SRGAP1: variants seen among roughly 807,000 people sequenced by gnomAD.
The protein encoded by SRGAP1 is SLIT-ROBO Rho GTPase-activating protein 1.
A neutral mutation model predicts 121.9 loss-of-function variants in SRGAP1; 43 were observed. The ratio of observed to expected loss-of-function variants is 0.35; its 90% CI spans 0.28 to 0.46. The LOEUF is 0.46. Among genes scored for constraint, SRGAP1 ranks in the 20% least tolerant of loss-of-function variants. The pLI, the probability that SRGAP1 is intolerant of heterozygous loss-of-function variation, is 1.00. For missense variants in SRGAP1, 1,102 were observed against 1,350.9 expected (o/e 0.82, Z 2.89); for synonymous variants, 447 against 485.4 (o/e 0.92, Z 1.04).
intron 1 of SRGAP1, among the ~76,000 whole-genome samples, chr12:63,978,164 C>G (rs1276632419): frequency 6.6e-6 from 1 of 152,150 alleles, no homozygotes; most frequent in Non-Finnish European, 1.5e-5. Context: ...TATCAACAAC[C>G]AACATTTCAT....
Position 64,079,124 on chromosome 12 carries a change from C to T in SRGAP1, c.1323+8C>T, listed in dbSNP as rs759204851. ...GAACAGTTCTACTTCATGGTGTGCCCGCCACTTCCCAAGCCACTCTACAGA... is the reference window on the plus strand; with the variant it reads ...GAACAGTTCTACTTCATGGTGTGCCTGCCACTTCCCAAGCCACTCTACAGA... On this transcript the variant is annotated splice_region_variant and intron_variant, in intron 9 of 21. Transcript: ENST00000355086. 8.5e-5 allele frequency: 137 copies of T among 1,612,832 alleles called. No individual in the cohort carries two copies. Among genetic ancestry groups the T allele is most frequent in the Non-Finnish European group, 1.1e-4 (129 of 1,179,744 alleles).
intron 1 of SRGAP1, among the ~76,000 whole-genome samples, chr12:63,914,036 A>G (rs556234503): frequency 8.3e-4 from 126 of 152,252 alleles, no homozygotes; most frequent in African/African-American, 2.9e-3. Context: ...TCCCTCTTGT[A>G]TGAACAGTAT....
At chr12:64,048,012 T>C (rs2035168385) in intron 6 of SRGAP1, among the ~76,000 whole-genome samples, 1 of 152,192 alleles carries the variant, frequency 6.6e-6, no homozygotes, top group Middle Eastern at 3.2e-3. Flanking sequence ...TTAGTTATTT[T>C]TAAGTGTACA....
At chr12:63,883,724 T>C (rs1900271967) in intron 1 of SRGAP1, among the ~76,000 whole-genome samples, 1 of 150,860 alleles carries the variant, frequency 6.6e-6, no homozygotes, top group African/African-American at 2.4e-5. Context: ...AGTGATGCAA[T>C]CTCGGCTCAC....
chr12:64,111,214 C>G (rs2036425756), intron 16 of SRGAP1, among the ~76,000 whole-genome samples: 2 of 152,158 alleles, frequency 1.3e-5, no homozygotes, highest in African/African-American at 4.8e-5. Flanking sequence ...TTTTGTGACA[C>G]TGGTTGTCAC....
chr12:63,926,346 G>A (rs911441997), intron 1 of SRGAP1, among the ~76,000 whole-genome samples: 3 of 152,020 alleles, frequency 2.0e-5, no homozygotes, highest in Non-Finnish European at 4.4e-5. Flanking sequence ...ACTCTCATGG[G>A]GGATATAAAT....
At chr12:63,876,128 T>G (rs1182644952) in intron 1 of SRGAP1, among the ~76,000 whole-genome samples, 2 of 152,084 alleles carry the variant, frequency 1.3e-5, no homozygotes, top group Non-Finnish European at 2.9e-5. Context: ...TTTTCTAGAG[T>G]TAAACTGAAA....
At chr12:63,897,892 A>G (rs767762711) in intron 1 of SRGAP1, among the ~76,000 whole-genome samples, 3 of 152,166 alleles carry the variant, frequency 2.0e-5, no homozygotes, top group Non-Finnish European at 2.9e-5. Context: ...GGATATGAAT[A>G]TAGGAGTCAG....
At chr12:64,105,698 C>T (rs1159157758) in intron 15 of SRGAP1, among the ~76,000 whole-genome samples, 1 of 152,126 alleles carries the variant, frequency 6.6e-6, no homozygotes, top group African/African-American at 2.4e-5. Context: ...GTATCAGAAT[C>T]ACTTGAACCT....
intron 1 of SRGAP1, among the ~76,000 whole-genome samples, chr12:63,916,032 C>CTTTTTTTTTT (rs140042368): frequency 6.4e-5 from 8 of 125,198 alleles, no homozygotes; most frequent in Non-Finnish European, 9.7e-5. Flanking sequence ...CTTTTCTTTT[C>CTTTTTTTTTT]TTTTTTTTTT....
intron 3 of SRGAP1, among the ~76,000 whole-genome samples, chr12:63,990,510 C>T (rs553336794): frequency 2.6e-5 from 4 of 151,870 alleles, no homozygotes; most frequent in South Asian, 2.1e-4. Context: ...CCAGCCTGGG[C>T]GACAGAGTGA....
At chr12:63,962,990 T>G (rs1052974457) in intron 1 of SRGAP1, among the ~76,000 whole-genome samples, 1 of 152,248 alleles carries the variant, frequency 6.6e-6, no homozygotes, top group Non-Finnish European at 1.5e-5. Context: ...AAATGTTACC[T>G]GTTTCTTTTA....
intron 1 of SRGAP1, among the ~76,000 whole-genome samples, chr12:63,953,085 T>TA (rs1286839794): frequency 3.9e-5 from 6 of 152,224 alleles, no homozygotes; most frequent in Non-Finnish European, 2.9e-5. Flanking sequence ...ACACAAATAG[T>TA]AAGTGGCAGA....
intron 1 of SRGAP1, among the ~76,000 whole-genome samples, chr12:63,940,864 C>T (rs184113107): frequency 1.6e-4 from 25 of 152,304 alleles, no homozygotes; most frequent in African/African-American, 5.5e-4. Flanking sequence ...TATGCATCAT[C>T]GGCATATGGA....
intron 3 of SRGAP1, among the ~76,000 whole-genome samples, chr12:64,000,299 G>A (rs2033848282): frequency 6.7e-6 from 1 of 148,884 alleles, no homozygotes. Context: ...CAGGATGTTA[G>A]GACAAACTAG....
intron 21 of SRGAP1, among the ~76,000 whole-genome samples, chr12:64,138,146 C>T (rs1268222632): frequency 6.6e-6 from 1 of 151,962 alleles, no homozygotes; most frequent in Non-Finnish European, 1.5e-5. Flanking sequence ...TCCCTGACAA[C>T]CACCATTCTA....
intron 1 of SRGAP1, among the ~76,000 whole-genome samples, chr12:63,907,215 G>T (rs1409667048): frequency 1.3e-5 from 2 of 152,042 alleles, no homozygotes; most frequent in Non-Finnish European, 2.9e-5. Flanking sequence ...CTACCTTGAA[G>T]AAACATATTC....
chr12:63,872,050 C>T, intron 1 of SRGAP1: 1 of 767,464 alleles, frequency 1.3e-6, no homozygotes, highest in Non-Finnish European at 2.3e-6. Flanking sequence ...ACCATCTTTG[C>T]AGCAGGGCTG....
chr12:64,053,780 A>G (rs1460076126), intron 6 of SRGAP1, among the ~76,000 whole-genome samples: 1 of 152,200 alleles, frequency 6.6e-6, no homozygotes, highest in Non-Finnish European at 1.5e-5. Context: ...CCTATAACTT[A>G]TTATCCTGTA....
Sources: gnomAD v4.1 joint callset for allele counts (sites outside exome capture counted in the v4.1 genomes callset) on GRCh38, gnomAD v4.1.1 for gene constraint, MANE v1.5 for transcripts, NCBI Gene and HGNC (gene_info 2026-07-23, HGNC 2026-07-21) for gene names.